CSMD3: variants seen among roughly 807,000 people sequenced by gnomAD.
The protein encoded by CSMD3 is CUB and Sushi multiple domains 3, also known as CUB and sushi domain-containing protein 3.
Under a neutral mutation model 435.2 loss-of-function variants are expected in CSMD3, and 177 were observed. The observed-to-expected ratio is 0.41, with a 90% CI of 0.36 to 0.46. CSMD3 has a LOEUF of 0.46. Among genes scored for constraint, CSMD3 ranks in the 20% least tolerant of loss-of-function variants. The pLI, the probability that CSMD3 is intolerant of heterozygous loss-of-function variation, is 0.34. For synonymous variants in CSMD3, 1,656 were observed against 1,520.5 expected, an observed-to-expected ratio of 1.09 and a Z score of -2.07; for missense variants, 4,265 against 4,504.6, an observed-to-expected ratio of 0.95 and a Z score of 1.52.
chr8:112,403,058 T>C (rs1266671551), intron 35 of CSMD3, among the ~76,000 whole-genome samples: 6 of 152,172 alleles, frequency 3.9e-5, no homozygotes, highest in Non-Finnish European at 7.4e-5. Context: ...AGGCACAAGA[T>C]AGGCGGAACA....
At chr8:112,696,769 A>C (rs2076265990) in intron 13 of CSMD3, among the ~76,000 whole-genome samples, 1 of 151,802 alleles carries the variant, frequency 6.6e-6, no homozygotes, top group South Asian at 2.1e-4. Flanking sequence ...AAAAGAAACT[A>C]CCATCAGAGT....
At chr8:112,736,221 G>C (rs188012926) in intron 13 of CSMD3, among the ~76,000 whole-genome samples, 1 of 151,936 alleles carries the variant, frequency 6.6e-6, no homozygotes, top group African/African-American at 2.4e-5. Context: ...AGTTTCCCCC[G>C]TGTATTTCTG....
chr8:112,401,717 A>G (rs961948974), intron 35 of CSMD3, among the ~76,000 whole-genome samples: 1 of 152,180 alleles, frequency 6.6e-6, no homozygotes, highest in African/African-American at 2.4e-5. Flanking sequence ...ATAAAGATTT[A>G]CTAGTATTTT....
At chr8:113,053,732 C>T (rs2088197097) in intron 5 of CSMD3, among the ~76,000 whole-genome samples, 1 of 152,064 alleles carries the variant, frequency 6.6e-6, no homozygotes, top group Non-Finnish European at 1.5e-5. Context: ...CTTTATACAT[C>T]AGTGTGTGTA....
intron 42 of CSMD3, among the ~76,000 whole-genome samples, chr8:112,340,947 A>G (rs552251540): frequency 1.3e-5 from 2 of 152,102 alleles, no homozygotes; most frequent in Non-Finnish European, 2.9e-5. Flanking sequence ...CAAAAGAGAT[A>G]AAAATCTTGC....
chr8:113,352,923 A>T (rs1357092239), intron 1 of CSMD3, among the ~76,000 whole-genome samples: 2 of 152,208 alleles, frequency 1.3e-5, no homozygotes, highest in Non-Finnish European at 2.9e-5. Context: ...GGGACACAAG[A>T]GCAGAAGAAT....
chr8:112,481,342 G>C (rs1311632388), intron 31 of CSMD3, among the ~76,000 whole-genome samples: 1 of 152,068 alleles, frequency 6.6e-6, no homozygotes, highest in African/African-American at 2.4e-5. Flanking sequence ...TTATAATACA[G>C]GCAACATAGC....
intron 1 of CSMD3, among the ~76,000 whole-genome samples, chr8:113,391,614 C>T (rs752869498): frequency 6.6e-6 from 1 of 151,910 alleles, no homozygotes; most frequent in Non-Finnish European, 1.5e-5. Context: ...ACATAAAATA[C>T]TGCGTAATGG....
In CSMD3 at chr8:112,224,307, T is replaced by C. The variant is rs1426624905; in HGVS notation, c.*464A>G. ...TAACAAGAATGAATGGCAGATAGAG[T>C]GGTATGAAAGACAGATTTGTGGGCG... On this transcript the variant is annotated 3_prime_UTR_variant, in exon 71 of 71. Coordinates refer to ENST00000297405, the MANE Select transcript of CSMD3 (RefSeq NM_198123.2). 6.1e-6 allele frequency: 1 copy of C among 163,476 alleles called. No homozygotes were observed. 10.1% of individuals were successfully genotyped at this position (163,476 alleles called of 1,614,324 possible). A position where few individuals can be genotyped will look rare whatever the true frequency, so the allele number is the denominator to read the frequency against.
intron 38 of CSMD3, among the ~76,000 whole-genome samples, chr8:112,370,082 A>AAGAAGAAGAAGAAGAAGAAGTAGT (rs1285510394): frequency 2.5e-4 from 26 of 103,534 alleles, no homozygotes; most frequent in African/African-American, 7.7e-4. Context: ...GAAGAAGAAG[A>AAGAAGAAGAAGAAGAAGAAGTAGT]AGTAGTAGTA....
At chr8:112,918,621 A>G (rs1326088930) in intron 10 of CSMD3, among the ~76,000 whole-genome samples, 1 of 151,926 alleles carries the variant, frequency 6.6e-6, no homozygotes, top group Non-Finnish European at 1.5e-5. Flanking sequence ...TATCTACTGC[A>G]TATCCAACAA....
intron 11 of CSMD3, among the ~76,000 whole-genome samples, chr8:112,841,575 C>G (rs1312432895): frequency 6.6e-6 from 1 of 151,764 alleles, no homozygotes; most frequent in African/African-American, 2.4e-5. Flanking sequence ...GCACATTTGT[C>G]TTTCTAAAAA....
intron 10 of CSMD3, among the ~76,000 whole-genome samples, chr8:112,906,907 C>T (rs528046388): frequency 1.4e-4 from 21 of 151,586 alleles, no homozygotes; most frequent in African/African-American, 5.1e-4. Flanking sequence ...TGAATTGTAA[C>T]CTCAAACCAT....
chr8:112,316,641 G>A (rs11996263), intron 47 of CSMD3, among the ~76,000 whole-genome samples: 14 of 151,502 alleles, frequency 9.2e-5, no homozygotes, highest in South Asian at 2.1e-4. Flanking sequence ...CATTATCTCC[G>A]TTATCACAAC....
chr8:113,197,262 T>C lies in CSMD3; in HGVS notation c.515-23346A>G, dbSNP rs553864454. Among the ~76,000 whole-genome samples, 3 of 151,266 alleles carry C rather than the reference T, an allele frequency of 2.0e-5. No homozygotes were observed. In the South Asian group the frequency reaches 6.2e-4, roughly 31 times the overall value. On this transcript the variant is annotated intron_variant, in intron 3 of 70. Transcript: ENST00000297405. ...TCAAAACTTTGTTTCATGTACAAAA[T>C]TATTGAAAATACTGTATAGAATTGC...
chr8:112,829,885 GCACACA>G (rs57982384), intron 11 of CSMD3, 96 bp from the exon 12 acceptor site: 43,113 of 594,312 alleles, frequency 0.073, 580 homozygotes, highest in East Asian at 0.17. Flanking sequence ...TTGTCTCTCT[GCACACA>G]CACACACACA....
At chr8:113,215,363 G>C (rs1341573114) in intron 3 of CSMD3, among the ~76,000 whole-genome samples, 5 of 151,806 alleles carry the variant, frequency 3.3e-5, no homozygotes, top group African/African-American at 1.2e-4. Context: ...TAATAAAAGA[G>C]ACTCAAAGTG....
At chr8:112,516,184 C>A (rs1252737395) in intron 28 of CSMD3, among the ~76,000 whole-genome samples, 1 of 151,922 alleles carries the variant, frequency 6.6e-6, no homozygotes. Flanking sequence ...TTGCATGTAC[C>A]AAATGCTATA....
chr8:112,599,633 T>G (rs998635789), intron 22 of CSMD3, among the ~76,000 whole-genome samples: 39 of 151,504 alleles, frequency 2.6e-4, no homozygotes, highest in Non-Finnish European at 4.4e-4. Flanking sequence ...TGTCCAACAG[T>G]GATAAACTGG....
Sources: allele counts gnomAD v4.1 joint callset (sites outside exome capture counted in the v4.1 genomes callset), GRCh38; gene constraint gnomAD v4.1.1; transcripts MANE v1.5; gene names NCBI Gene and HGNC (gene_info 2026-07-23, HGNC 2026-07-21).